STK4: variants seen among roughly 807,000 people sequenced by gnomAD.
STK4 encodes serine/threonine-protein kinase 4.
A neutral mutation model predicts 64.9 loss-of-function variants in STK4; 30 were observed. The ratio of observed to expected loss-of-function variants is 0.46; its 90% confidence interval spans 0.35 to 0.63. The LOEUF is 0.63. STK4 is among the 20% of genes least tolerant of loss of function. The probability of loss-of-function intolerance (pLI) is 0.01; values close to 1 mark genes in which losing one functional copy is unlikely to be tolerated. For synonymous variants in STK4, 177 were observed against 199.0 expected (o/e 0.89, Z 0.93); for missense variants, 466 against 598.5 (o/e 0.78, Z 2.31).
chr20:44,971,899 C>G (rs2067254337), intron 1 of STK4, among the ~76,000 whole-genome samples, 179 bp from the exon 2 acceptor site: 1 of 151,962 alleles, frequency 6.6e-6, no homozygotes, highest in East Asian at 1.9e-4. Flanking sequence ...TCTCGATCTC[C>G]TGATCTCGTG....
chr20:45,074,901 C>T, intron 10 of STK4, 117 bp from the exon 11 acceptor site: 2 of 1,248,616 alleles, frequency 1.6e-6, no homozygotes, highest in Non-Finnish European at 2.3e-6. Context: ...TGTGATCTGA[C>T]CACAGTGTCT....
intron 9 of STK4, among the ~76,000 whole-genome samples, chr20:45,022,937 T>C (rs190650569): frequency 1.3e-5 from 2 of 152,364 alleles, no homozygotes; most frequent in East Asian, 3.8e-4. Flanking sequence ...GAGAGGTTGG[T>C]GCGTGATATA....
In STK4 at chr20:45,075,204, T is replaced by C; in HGVS notation, c.*28T>C. 2 of 1,609,540 alleles carry C rather than the reference T, an allele frequency of 1.2e-6. No homozygotes were observed. The highest frequency in any genetic ancestry group is 1.1e-5 in the South Asian group (1 of 90,810). ...AAGGCCAGGCTGTGAGGGCCCCAGC[T>C]CCACCCAGGCTTTGGGTGAATTCTG... On this transcript the variant is annotated 3_prime_UTR_variant, in exon 11 of 11. Transcript: ENST00000372806.
At chr20:44,981,689 T>C in intron 3 of STK4, 140 bp from the exon 4 acceptor site, 1 of 527,094 alleles carries the variant, frequency 1.9e-6, no homozygotes, top group East Asian at 3.0e-5. Context: ...TGCATTCTTA[T>C]CAGGAGGTTG....
intron 10 of STK4, among the ~76,000 whole-genome samples, chr20:45,070,900 A>AAG (rs1980014146): frequency 6.6e-6 from 1 of 151,978 alleles, no homozygotes; most frequent in Non-Finnish European, 1.5e-5. Context: ...AAAAAAAAAA[A>AAG]AAAATCAGAT....
intron 1 of STK4, among the ~76,000 whole-genome samples, chr20:44,971,124 C>CAT (rs1491066582): frequency 7.0e-6 from 1 of 143,778 alleles, no homozygotes; most frequent in African/African-American, 2.7e-5. Flanking sequence ...CACACACACA[C>CAT]ATATTCCTTG....
rs535246729 is a variant in STK4, at chr20:44,995,409, C to T, written c.693+152C>T. 9 of 853,090 alleles carry T rather than the reference C, an allele frequency of 1.1e-5. No homozygotes were observed. In the Admixed American group the frequency reaches 3.2e-4, roughly 30 times the overall value. The allele number at this position is 853,090 out of a possible 1,614,324, so 52.8% of individuals were successfully genotyped here. Reference sequence around the variant, plus strand: ...TCACCAGAGGTCAGGAGTTTGAGACCAACCTGGCCAACATGGTGAAACCTT... The same window carrying T: ...TCACCAGAGGTCAGGAGTTTGAGACTAACCTGGCCAACATGGTGAAACCTT... On this transcript the variant is annotated intron_variant, in intron 6 of 10. Transcript: ENST00000372806.
At chr20:44,979,761 C>A (rs1401498845) in intron 3 of STK4, among the ~76,000 whole-genome samples, 1 of 151,776 alleles carries the variant, frequency 6.6e-6, no homozygotes, top group Non-Finnish European at 1.5e-5. Flanking sequence ...TTTCTTTTTT[C>A]TCTCCCTTCT....
intron 2 of STK4, among the ~76,000 whole-genome samples, chr20:44,977,398 A>T (rs2047231307): frequency 6.6e-6 from 1 of 152,002 alleles, no homozygotes; most frequent in Non-Finnish European, 1.5e-5. Flanking sequence ...TTTTTTCACC[A>T]AGACAGTGTG....
intron 7 of STK4, 45 bp from the exon 8 acceptor site, chr20:45,000,347 T>A: frequency 6.3e-7 from 1 of 1,589,172 alleles, no homozygotes; most frequent in Non-Finnish European, 8.6e-7. Context: ...TTTGGCACTG[T>A]CACCATATAA....
At chr20:44,966,734 AG>A (rs996478548) in intron 1 of STK4, 131 bp downstream of exon 1, 306 of 1,043,136 alleles carry the variant, frequency 2.9e-4, no homozygotes, top group Non-Finnish European at 3.2e-4. Flanking sequence ...CTGCTGAGTG[AG>A]GGGGGGGACG....
intron 10 of STK4, among the ~76,000 whole-genome samples, chr20:45,033,697 A>C (rs1163580928): frequency 2.6e-5 from 4 of 152,120 alleles, no homozygotes; most frequent in Non-Finnish European, 5.9e-5. Context: ...CTCCTGCCTC[A>C]GCCTCCTGAA....
At chr20:45,000,369 T>C in intron 7 of STK4, 23 bp from the exon 8 acceptor site, 2 of 1,609,800 alleles carry the variant, frequency 1.2e-6, no homozygotes, top group Non-Finnish European at 1.7e-6. Flanking sequence ...CTGTCTCCAG[T>C]ATTTTCTACT....
intron 1 of STK4, chr20:44,967,334 A>C: frequency 2.9e-6 from 2 of 693,000 alleles, no homozygotes; most frequent in Non-Finnish European, 3.6e-6. Context: ...GTAGTTGGGA[A>C]GTGTTTCCTT....
intron 9 of STK4, chr20:45,007,804 G>A (rs765349284): frequency 9.4e-6 from 4 of 423,300 alleles, no homozygotes; most frequent in Non-Finnish European, 1.9e-5. Context: ...GGGGGTACAT[G>A]TGCAGGTTTG....
At chr20:45,055,475 ATTTG>A (rs1978386813) in intron 10 of STK4, among the ~76,000 whole-genome samples, 1 of 149,660 alleles carries the variant, frequency 6.7e-6, no homozygotes, top group Non-Finnish European at 1.5e-5. Flanking sequence ...CATTCCTGTT[ATTTG>A]TTTCTTCTTT....
At position 44,999,076 on chromosome 20, in the gene STK4, AAAAC is replaced by A. The variant is rs2067787934; in HGVS notation, c.832-1312_832-1309del. On this transcript the variant is annotated intron_variant, in intron 7 of 10. Transcript: ENST00000372806. Reference sequence around the variant, plus strand: ...GAGCAAGACTCCATCTCAAAAAAAAAAAACAAAGAAAAGGAAAAGAAAATCAGAA... The same window carrying A: ...GAGCAAGACTCCATCTCAAAAAAAAAAAAGAAAAGGAAAAGAAAATCAGAA... Among the ~76,000 whole-genome samples the A allele has an allele frequency of 2.6e-5, 4 of 152,134 alleles. No homozygotes were observed. In the South Asian group the frequency reaches 8.3e-4, roughly 32 times the overall value.
intron 10 of STK4, among the ~76,000 whole-genome samples, chr20:45,039,875 T>C (rs937530100): frequency 6.6e-6 from 1 of 152,078 alleles, no homozygotes; most frequent in African/African-American, 2.4e-5. Context: ...TGCTTTTGTG[T>C]AATCAGTACA....
chr20:44,985,662 T>C (rs2067519278), intron 4 of STK4, among the ~76,000 whole-genome samples: 1 of 152,232 alleles, frequency 6.6e-6, no homozygotes, highest in Admixed American at 6.5e-5. Flanking sequence ...ATTATTAGCA[T>C]AGTACCTGGT....
Sources: gnomAD v4.1 joint callset for allele counts (sites outside exome capture counted in the v4.1 genomes callset) on GRCh38, gnomAD v4.1.1 for gene constraint, MANE v1.5 for transcripts, NCBI Gene and HGNC (gene_info 2026-07-23, HGNC 2026-07-21) for gene names.